Variants in DIAPH3 observed in about 807,000 individuals in gnomAD.
DIAPH3 encodes protein diaphanous homolog 3.
A neutral mutation model predicts 144.3 loss-of-function variants in DIAPH3; 117 were observed. The ratio of observed to expected loss-of-function variants is 0.81; its 90% CI spans 0.70 to 0.95. DIAPH3 has a LOEUF of 0.95. Ranked by LOEUF, DIAPH3 falls within the 40% of genes least tolerant of loss-of-function variation. The pLI is 0.00. For synonymous variants in DIAPH3, 519 were observed against 488.9 expected, an observed-to-expected ratio of 1.06 and a Z score of -0.81; for missense variants, 1,421 against 1,412.7, an observed-to-expected ratio of 1.01 and a Z score of -0.09.
At chr13:60,063,705 T>C (rs992107175) in intron 4 of DIAPH3, among the ~76,000 whole-genome samples, 1 of 152,110 alleles carries the variant, frequency 6.6e-6, no homozygotes, top group Admixed American at 6.6e-5. Context: ...GACAAGTGGA[T>C]CACCTGAGGT....
chr13:59,784,516 T>C (rs760814162), intron 25 of DIAPH3, among the ~76,000 whole-genome samples: 1 of 152,150 alleles, frequency 6.6e-6, no homozygotes, highest in Non-Finnish European at 1.5e-5. Flanking sequence ...GCTGGGATTA[T>C]AGGCATGTGC....
intron 23 of DIAPH3, among the ~76,000 whole-genome samples, chr13:59,835,360 A>G (rs1239425465): frequency 1.3e-5 from 2 of 151,088 alleles, no homozygotes; most frequent in South Asian, 2.1e-4. Context: ...AATAAGTATG[A>G]TGTAGAAAAA....
intron 4 of DIAPH3, among the ~76,000 whole-genome samples, chr13:60,057,424 TG>T (rs1034180813): frequency 4.6e-4 from 70 of 152,152 alleles, no homozygotes; most frequent in Admixed American, 3.3e-3. Flanking sequence ...TAACATCTCA[TG>T]TTCCAGAATT....
At chr13:59,976,954 CAACT>C (rs1219858704) in intron 14 of DIAPH3, among the ~76,000 whole-genome samples, 1 of 151,788 alleles carries the variant, frequency 6.6e-6, no homozygotes, top group Non-Finnish European at 1.5e-5. Context: ...AAGGGCAGCT[CAACT>C]AACATGACTT....
intron 4 of DIAPH3, among the ~76,000 whole-genome samples, chr13:60,072,481 G>T (rs1014935335): frequency 6.6e-6 from 1 of 151,860 alleles, no homozygotes; most frequent in Non-Finnish European, 1.5e-5. Context: ...TTAATTTCAG[G>T]GGAAAATGTG....
chr13:60,071,657 T>C (rs377711600), intron 4 of DIAPH3, among the ~76,000 whole-genome samples: 1 of 152,182 alleles, frequency 6.6e-6, no homozygotes, highest in South Asian at 2.1e-4. Flanking sequence ...TCTGAACACA[T>C]AACTTTGCCC....
chr13:59,673,840 G>A (rs898932894), intron 27 of DIAPH3, among the ~76,000 whole-genome samples: 1 of 152,198 alleles, frequency 6.6e-6, no homozygotes, highest in East Asian at 1.9e-4. Flanking sequence ...AATGTGCAGG[G>A]AGGCTGATGC....
intron 24 of DIAPH3, among the ~76,000 whole-genome samples, chr13:59,820,182 G>C (rs2040987369): frequency 6.6e-6 from 1 of 151,852 alleles, no homozygotes; most frequent in Non-Finnish European, 1.5e-5. Context: ...AAACATATGG[G>C]GGAGTGCCAA....
chr13:59,995,938 T>G (rs1396801067), intron 9 of DIAPH3, among the ~76,000 whole-genome samples: 1 of 151,998 alleles, frequency 6.6e-6, no homozygotes, highest in Non-Finnish European at 1.5e-5. Flanking sequence ...ACCGTAGGTT[T>G]CAACATGGAG....
chr13:59,940,556 C>A (rs2048477174), intron 17 of DIAPH3, among the ~76,000 whole-genome samples: 1 of 152,252 alleles, frequency 6.6e-6, no homozygotes, highest in Admixed American at 6.5e-5. Context: ...TATTCATATG[C>A]TTAAGACTAT....
chr13:59,707,039 A>C (rs2034468865), intron 27 of DIAPH3, among the ~76,000 whole-genome samples: 4 of 152,226 alleles, frequency 2.6e-5, no homozygotes, highest in African/African-American at 9.6e-5. Context: ...TGTGGCAATA[A>C]TTTCAGAAAA....
intron 20 of DIAPH3, 53 bp from the exon 21 acceptor site, chr13:59,879,521 T>C (rs1952878653): frequency 1.4e-5 from 22 of 1,608,592 alleles, no homozygotes; most frequent in Non-Finnish European, 1.9e-5. Context: ...TATAGTTTAG[T>C]ACTGTACGAC....
At position 59,826,763 on chromosome 13, in the gene DIAPH3, G is replaced by A. The variant is rs943350628; in HGVS notation, c.3027+6344C>T. ...AAAAGAACAAAGCTGGAGGCATCAC[G>A]CTACCTGACTTCAAACTACACTACA... On this transcript the variant is annotated intron_variant, in intron 24 of 27. Transcript: ENST00000400324. 3.9e-3 allele frequency among the ~76,000 whole-genome samples: 591 copies of A among 151,990 alleles called. 4 individuals carry two copies. The highest frequency in any genetic ancestry group is 0.013 in the African/African-American group (527 of 41,432).
At chr13:59,839,921 G>C (rs2042247693) in intron 22 of DIAPH3, among the ~76,000 whole-genome samples, 1 of 152,172 alleles carries the variant, frequency 6.6e-6, no homozygotes, top group Non-Finnish European at 1.5e-5. Context: ...AAAGGTATCA[G>C]AGGCTACTTA....
In DIAPH3 at chr13:59,854,225, G is replaced by A. The variant is rs139452884; in HGVS notation, c.2737+7182C>T. 3.8e-4 allele frequency among the ~76,000 whole-genome samples: 58 copies of A among 152,220 alleles called. 3 individuals carry two copies. The East Asian group carries it at 0.011, about 29-fold the overall frequency. On this transcript the variant is annotated intron_variant, in intron 22 of 27. Coordinates refer to ENST00000400324, the MANE Select transcript of DIAPH3 (RefSeq NM_001042517.2). ...CACTAGAAGCTGGAAGAGAAGCATG[G>A]ATGCTTCCTCCCCTGGAGTCTTCTG... is the stretch of plus-strand genomic sequence containing the variant.
At chr13:60,075,100 C>A (rs1017777256) in intron 4 of DIAPH3, among the ~76,000 whole-genome samples, 2 of 152,114 alleles carry the variant, frequency 1.3e-5, no homozygotes, top group East Asian at 3.8e-4. Context: ...TATACTCTCA[C>A]CAAACATTTA....
chr13:60,034,712 C>T (rs2055073432), intron 5 of DIAPH3: 1 of 152,222 alleles, frequency 6.6e-6, no homozygotes, highest in South Asian at 2.1e-4. Context: ...GATCCTCCTG[C>T]CTCAGCCTCC....
At chr13:59,714,727 C>A (rs1245629652) in intron 27 of DIAPH3, among the ~76,000 whole-genome samples, 5 of 152,200 alleles carry the variant, frequency 3.3e-5, no homozygotes, top group African/African-American at 9.6e-5. Context: ...TTGCTTATTA[C>A]AAGGTGTATT....
chr13:59,708,231 T>TAA (rs199742290), intron 27 of DIAPH3, among the ~76,000 whole-genome samples: 3 of 147,002 alleles, frequency 2.0e-5, no homozygotes, highest in African/African-American at 7.5e-5. Flanking sequence ...CCAGGCTAAT[T>TAA]AAAAAAAAAA....
Sources: allele counts gnomAD v4.1 joint callset (sites outside exome capture counted in the v4.1 genomes callset), GRCh38; gene constraint gnomAD v4.1.1; transcripts MANE v1.5; gene names NCBI Gene and HGNC (gene_info 2026-07-23, HGNC 2026-07-21).